Variants in PARD3 observed in about 807,000 individuals in gnomAD.
PARD3 encodes the protein par-3 family cell polarity regulator.
Under a neutral mutation model 155.4 loss-of-function variants are expected in PARD3, and 75 were observed. That is an observed-to-expected ratio of 0.48 (90% confidence interval 0.40 to 0.58). The LOEUF is 0.58. PARD3 is among the 20% of genes least tolerant of loss of function. The pLI is 0.00. For synonymous variants in PARD3, 576 were observed against 610.5 expected, an observed-to-expected ratio of 0.94 and a Z score of 0.83; for missense variants, 1,642 against 1,721.7, an observed-to-expected ratio of 0.95 and a Z score of 0.82.
intron 21 of PARD3, among the ~76,000 whole-genome samples, chr10:34,272,552 A>G (rs2099791): frequency 6.6e-6 from 1 of 151,862 alleles, no homozygotes; most frequent in Non-Finnish European, 1.5e-5. Flanking sequence ...CAACACAGTA[A>G]AACCCTGTCT....
chr10:34,334,096 T>A (rs1345583682), intron 18 of PARD3, among the ~76,000 whole-genome samples: 1 of 151,860 alleles, frequency 6.6e-6, no homozygotes, highest in Non-Finnish European at 1.5e-5. Flanking sequence ...AACAATATTT[T>A]AAGCTCTTAC....
At chr10:34,173,189 C>T (rs531255413) in intron 22 of PARD3, among the ~76,000 whole-genome samples, 11 of 152,290 alleles carry the variant, frequency 7.2e-5, no homozygotes, top group East Asian at 5.8e-4. Context: ...TTCCTCCTTC[C>T]GAAAAACCCC....
At chr10:34,679,514 G>A (rs903683913) in intron 2 of PARD3, among the ~76,000 whole-genome samples, 5 of 152,136 alleles carry the variant, frequency 3.3e-5, no homozygotes, top group South Asian at 2.1e-4. Context: ...ATTTTGTTAA[G>A]CTCTTTGAAA....
intron 5 of PARD3, chr10:34,426,790 G>A (rs2075631617): frequency 6.6e-6 from 1 of 152,272 alleles, no homozygotes; most frequent in African/African-American, 2.4e-5. Flanking sequence ...CCAGGCGTGT[G>A]GATGTTACGG....
chr10:34,372,594 A>G, intron 11 of PARD3, 58 bp from the exon 12 acceptor site: 1 of 1,155,600 alleles, frequency 8.7e-7, no homozygotes, highest in Non-Finnish European at 1.3e-6. Context: ...TTCAACACAC[A>G]GGGACACAAT....
At chr10:34,484,573 T>C (rs2079313715) in intron 3 of PARD3, among the ~76,000 whole-genome samples, 1 of 152,134 alleles carries the variant, frequency 6.6e-6, no homozygotes, top group African/African-American at 2.4e-5. Flanking sequence ...TAAATGTCTT[T>C]CCCTTTATCA....
intron 22 of PARD3, among the ~76,000 whole-genome samples, chr10:34,261,764 G>GAAA (rs1954994535): frequency 4.2e-4 from 25 of 59,442 alleles, no homozygotes; most frequent in African/African-American, 1.2e-3. Flanking sequence ...AAGAAAGGAA[G>GAAA]GAAGGAAGAA....
chr10:34,570,136 G>C (rs768582342), intron 2 of PARD3, among the ~76,000 whole-genome samples: 6 of 152,108 alleles, frequency 3.9e-5, no homozygotes, highest in Non-Finnish European at 7.4e-5. Flanking sequence ...TACTCTCCCA[G>C]TTCTGGCCAA....
chr10:34,716,580 C>CT (rs202195983), intron 1 of PARD3, among the ~76,000 whole-genome samples: 1 of 109,438 alleles, frequency 9.1e-6, no homozygotes, highest in African/African-American at 3.3e-5. Context: ...CCCAGGATGG[C>CT]TTTTCTTTTT....
chr10:34,171,908 C>G (rs1949810337), intron 22 of PARD3, among the ~76,000 whole-genome samples: 1 of 132,406 alleles, frequency 7.6e-6, no homozygotes, highest in Non-Finnish European at 1.5e-5. Context: ...CAAGACTGAG[C>G]CACGGCATTC....
At chr10:34,244,323 A>C (rs925734252) in intron 22 of PARD3, among the ~76,000 whole-genome samples, 1 of 152,236 alleles carries the variant, frequency 6.6e-6, no homozygotes, top group Admixed American at 6.5e-5. Flanking sequence ...CTCAGGAAAC[A>C]TTTAAAGGAA....
At chr10:34,518,186 C>T (rs759080872) in intron 2 of PARD3, among the ~76,000 whole-genome samples, 3 of 152,038 alleles carry the variant, frequency 2.0e-5, no homozygotes, top group Non-Finnish European at 4.4e-5. Flanking sequence ...GCCAAACTCA[C>T]AGTTTTTATA....
intron 1 of PARD3, among the ~76,000 whole-genome samples, chr10:34,740,125 G>C (rs557613204): frequency 6.6e-6 from 1 of 152,136 alleles, no homozygotes; most frequent in Non-Finnish European, 1.5e-5. Flanking sequence ...CACCCCAAGA[G>C]GAGAAAGGGA....
intron 2 of PARD3, among the ~76,000 whole-genome samples, chr10:34,649,946 T>C (rs977150337): frequency 6.7e-6 from 1 of 149,168 alleles, no homozygotes; most frequent in Non-Finnish European, 1.5e-5. Context: ...CACACACACA[T>C]TAGCCTAGAC....
chr10:34,467,231 A>G (rs1041116032), intron 4 of PARD3, among the ~76,000 whole-genome samples: 28 of 152,116 alleles, frequency 1.8e-4, no homozygotes, highest in Non-Finnish European at 2.8e-4. Flanking sequence ...TCATTAAAAT[A>G]TTGATAATAA....
intron 2 of PARD3, chr10:34,664,038 C>A (rs1470387589): frequency 1.3e-5 from 2 of 152,136 alleles, no homozygotes; most frequent in Non-Finnish European, 1.5e-5. Flanking sequence ...GCCTCAGGGC[C>A]GCAGCAGCAC....
In PARD3 at chr10:34,207,380, A is replaced by C. The variant is rs7901217; in HGVS notation, c.3419+62277T>G. Reference sequence around the variant, plus strand: ...TGCTGAGAGATGGAGCTGATTTCCTACATCTCTCAGCATTAAAGTAATTGA... The same window carrying C: ...TGCTGAGAGATGGAGCTGATTTCCTCCATCTCTCAGCATTAAAGTAATTGA... On this transcript the variant is annotated intron_variant, in intron 22 of 24. Coordinates refer to ENST00000374788, the MANE Select transcript of PARD3 (RefSeq NM_001184785.2). Among the ~76,000 whole-genome samples the C allele has an allele frequency of 8.5e-3, 1,296 of 152,276 alleles. 26 individuals carry two copies. The highest frequency in any genetic ancestry group is 0.03 in the African/African-American group (1,226 of 41,548).
chr10:34,185,639 A>G (rs551300263), intron 22 of PARD3, among the ~76,000 whole-genome samples: 1 of 151,910 alleles, frequency 6.6e-6, no homozygotes, highest in African/African-American at 2.4e-5. Flanking sequence ...TTTGCCTCTC[A>G]TGTTTTAGCT....
At chr10:34,272,503 G>A (rs1230110762) in intron 21 of PARD3, among the ~76,000 whole-genome samples, 3 of 152,144 alleles carry the variant, frequency 2.0e-5, no homozygotes, top group African/African-American at 7.2e-5. Context: ...GCTGATGGGG[G>A]CGTGCTGCTT....
Sources: allele counts gnomAD v4.1 joint callset (sites outside exome capture counted in the v4.1 genomes callset), GRCh38; gene constraint gnomAD v4.1.1; transcripts MANE v1.5; gene names NCBI Gene and HGNC (gene_info 2026-07-23, HGNC 2026-07-21).